Variants in PGM5 observed in about 807,000 individuals in gnomAD.
PGM5 encodes the protein phosphoglucomutase-like protein 5.
PGM5 carries 23 observed loss-of-function variants against 59.2 expected under a neutral mutation model. The observed-to-expected ratio is 0.39, with a 90% CI of 0.28 to 0.55. The LOEUF (loss-of-function observed/expected upper bound fraction) is 0.55, where lower values mean the gene tolerates loss of function less well. Ranked by LOEUF, PGM5 falls within the 20% of genes least tolerant of loss-of-function variation. PGM5 has a pLI of 0.66. For synonymous variants in PGM5, 214 were observed against 286.0 expected (o/e 0.75, Z 2.54); for missense variants, 574 against 748.3 (o/e 0.77, Z 2.72).
At chr9:68,447,042 G>A (rs72714320) in intron 6 of PGM5, among the ~76,000 whole-genome samples, 3,793 of 152,194 alleles carry the variant, frequency 0.025, 46 homozygotes, top group African/African-American at 0.036. Flanking sequence ...AACGTGGTGC[G>A]TGCAGGGAAA....
At chr9:68,448,106 G>A (rs1823643026) in intron 6 of PGM5, among the ~76,000 whole-genome samples, 1 of 152,182 alleles carries the variant, frequency 6.6e-6, no homozygotes, top group Admixed American at 6.5e-5. Context: ...TCTACTTGTA[G>A]GCAAATAGGT....
chr9:68,420,358 T>C (rs1224783495), intron 6 of PGM5, among the ~76,000 whole-genome samples: 1 of 152,118 alleles, frequency 6.6e-6, no homozygotes, highest in East Asian at 1.9e-4. Context: ...CTGACCCCTT[T>C]GAATTCATGA....
chr9:68,364,533 T>C (rs1834642486), intron 1 of PGM5, among the ~76,000 whole-genome samples: 1 of 152,142 alleles, frequency 6.6e-6, no homozygotes. Flanking sequence ...AATAGGTGAA[T>C]GGAATGGGCT....
At chr9:68,431,792 GC>G (rs1313729522) in intron 6 of PGM5, among the ~76,000 whole-genome samples, 1 of 152,180 alleles carries the variant, frequency 6.6e-6, no homozygotes, top group African/African-American at 2.4e-5. Context: ...AAAGGAGGGA[GC>G]TGTCTGAGAG....
chr9:68,476,722 T>A (rs1385825511), intron 7 of PGM5, among the ~76,000 whole-genome samples: 1 of 152,206 alleles, frequency 6.6e-6, no homozygotes, highest in Non-Finnish European at 1.5e-5. Context: ...TTGGCAAATG[T>A]TTAACTTGTA....
chr9:68,377,719 T>A (rs546175426), intron 1 of PGM5, among the ~76,000 whole-genome samples: 4 of 152,384 alleles, frequency 2.6e-5, no homozygotes, highest in Non-Finnish European at 5.9e-5. Context: ...AGATTACAGT[T>A]AAAATATGCC....
At chr9:68,419,698 G>T (rs1564000671) in intron 6 of PGM5, among the ~76,000 whole-genome samples, 3 of 152,188 alleles carry the variant, frequency 2.0e-5, no homozygotes. Flanking sequence ...CCCCCAGTCT[G>T]GCAATGTCAG....
intron 6 of PGM5, among the ~76,000 whole-genome samples, chr9:68,406,864 A>C (rs1554681180): frequency 6.6e-6 from 1 of 150,584 alleles, no homozygotes; most frequent in Non-Finnish European, 1.5e-5. Context: ...CCGTGCTTCC[A>C]CATTAAGGAC....
chr9:68,426,731 ATATC>A (rs1253927269), intron 6 of PGM5: 1 of 152,042 alleles, frequency 6.6e-6, no homozygotes, highest in Non-Finnish European at 1.5e-5. Context: ...CTTCATCCAA[ATATC>A]TTTCCCTTGG....
chr9:68,465,131 C>T lies in PGM5; in HGVS notation c.1082C>T (p.Pro361Leu). 6.2e-7 allele frequency: 1 copy of T among 1,613,232 alleles called. No homozygotes were observed. Among genetic ancestry groups the T allele is most frequent in the Admixed American group, 1.7e-5 (1 of 60,004 alleles). ...ATGAAGGTCCCTGTATATGAGACCC[C>T]AGCTGGATGGAGATTCTTCTCAAAT... ...KSMKVPVYET[P>L]AGWRFFSNLM... is the part of the protein sequence containing the mutation. The change falls in exon 7 of 11, where the codon CCA (proline) becomes CTA (leucine). Residue 361 changes from proline to leucine, a missense_variant. Coordinates refer to ENST00000396396, the MANE Select transcript of PGM5 (RefSeq NM_021965.4).
chr9:68,440,517 A>G (rs1823508750), intron 6 of PGM5, among the ~76,000 whole-genome samples: 1 of 152,178 alleles, frequency 6.6e-6, no homozygotes, highest in Non-Finnish European at 1.5e-5. Context: ...GTTATTGTAG[A>G]TGTCCTTTAT....
intron 10 of PGM5, 138 bp downstream of exon 10, chr9:68,499,499 A>G: frequency 1.2e-6 from 1 of 843,456 alleles, no homozygotes; most frequent in Non-Finnish European, 1.8e-6. Flanking sequence ...AGCTCAGGGC[A>G]ACTCCAAGCA....
intron 6 of PGM5, chr9:68,393,832 T>C (rs1348885286): frequency 6.6e-6 from 1 of 152,100 alleles, no homozygotes; most frequent in Non-Finnish European, 1.5e-5. Context: ...GTTGCATGAT[T>C]CATAATGGCT....
At chr9:68,370,672 G>A (rs1821673111) in intron 1 of PGM5, among the ~76,000 whole-genome samples, 1 of 152,222 alleles carries the variant, frequency 6.6e-6, no homozygotes, top group Admixed American at 6.5e-5. Flanking sequence ...TTGGACACTG[G>A]TCTAAGGCAT....
chr9:68,357,518 G>A lies in PGM5; in HGVS notation c.261+130G>A, dbSNP rs1425512037. ...GCCCCGGCTTTGCTACCTCACTCCC[G>A]CGTCCTCACCCTCCAGCGCCCCACT... On this transcript the variant is annotated intron_variant, in intron 1 of 10. Coordinates refer to ENST00000396396, the MANE Select transcript of PGM5 (RefSeq NM_021965.4). The A allele has an allele frequency of 2.0e-6, 3 of 1,487,150 alleles. No homozygotes were observed. The African/African-American group carries it at 4.2e-5, about 21-fold the overall frequency. The allele number at this position is 1,487,150 out of a possible 1,614,324, so 92.1% of individuals were successfully genotyped here. A position where few individuals can be genotyped will look rare whatever the true frequency, so the allele number is the denominator to read the frequency against.
At chr9:68,442,392 C>T (rs879980709) in intron 6 of PGM5, among the ~76,000 whole-genome samples, 11 of 152,246 alleles carry the variant, frequency 7.2e-5, no homozygotes, top group Middle Eastern at 3.4e-3. Flanking sequence ...TCAAGTGATC[C>T]TCCTGCCTCA....
chr9:68,407,446 G>A (rs1432562630), intron 6 of PGM5, among the ~76,000 whole-genome samples: 2 of 152,066 alleles, frequency 1.3e-5, no homozygotes. Context: ...ATTGCCTTTT[G>A]ATCCGTACTT....
At chr9:68,508,544 A>G (rs543804181) in intron 10 of PGM5, among the ~76,000 whole-genome samples, 16 of 152,330 alleles carry the variant, frequency 1.1e-4, no homozygotes, top group African/African-American at 3.8e-4. Flanking sequence ...TGCCAGTTTT[A>G]CCATGTCTAA....
chr9:68,461,158 G>A (rs1554685361), intron 6 of PGM5, among the ~76,000 whole-genome samples: 1 of 152,086 alleles, frequency 6.6e-6, no homozygotes, highest in African/African-American at 2.4e-5. Flanking sequence ...GTGATTCAGA[G>A]ATCCAGGTCC....
Sources: allele counts gnomAD v4.1 joint callset (sites outside exome capture counted in the v4.1 genomes callset), GRCh38; gene constraint gnomAD v4.1.1; transcripts MANE v1.5; gene names NCBI Gene and HGNC (gene_info 2026-07-23, HGNC 2026-07-21).